The following NEK11 variants were observed in gnomAD, a reference collection of about 807,000 sequenced individuals.
NEK11 encodes the protein serine/threonine-protein kinase Nek11.
In NEK11, 72 loss-of-function variants were observed where a neutral mutation model predicts 80.7. The observed-to-expected ratio is 0.89, with a 90% CI of 0.74 to 1.08. NEK11 has a LOEUF of 1.08. Ranked by LOEUF, NEK11 falls within the 50% of genes least tolerant of loss-of-function variation. NEK11 has a pLI of 0.00. For synonymous variants in NEK11, 251 were observed against 260.7 expected (o/e 0.96, Z 0.36); for missense variants, 764 against 763.6 (o/e 1.00, Z -0.01).
intron 13 of NEK11, among the ~76,000 whole-genome samples, chr3:131,169,368 C>T (rs1038699304): frequency 1.3e-5 from 2 of 152,074 alleles, no homozygotes; most frequent in African/African-American, 2.4e-5. Context: ...GGCTCTATGT[C>T]GCCTCTCAAA....
intron 11 of NEK11, among the ~76,000 whole-genome samples, chr3:131,163,498 C>T (rs1041893866): frequency 1.3e-5 from 2 of 151,598 alleles, no homozygotes; most frequent in Non-Finnish European, 2.9e-5. Flanking sequence ...CATAGAAAGA[C>T]AAATACTGCA....
intron 7 of NEK11, among the ~76,000 whole-genome samples, chr3:131,140,971 A>C (rs2086763790): frequency 6.6e-6 from 1 of 152,178 alleles, no homozygotes; most frequent in South Asian, 2.1e-4. Context: ...ATACCAGCTC[A>C]TAAGACCCAA....
chr3:131,188,122 T>C (rs963086423), intron 14 of NEK11, among the ~76,000 whole-genome samples: 1 of 152,098 alleles, frequency 6.6e-6, no homozygotes. Flanking sequence ...GTCTCTTGTG[T>C]GTAGTTGTGT....
chr3:131,108,566 A>G (rs1420134869), intron 4 of NEK11, among the ~76,000 whole-genome samples: 1 of 152,134 alleles, frequency 6.6e-6, no homozygotes, highest in African/African-American at 2.4e-5. Flanking sequence ...AGCATTTGAC[A>G]TTTTTATTTT....
At chr3:131,123,236 G>A (rs904258101) in intron 5 of NEK11, among the ~76,000 whole-genome samples, 1 of 151,898 alleles carries the variant, frequency 6.6e-6, no homozygotes, top group Non-Finnish European at 1.5e-5. Flanking sequence ...GCATGATCTC[G>A]GCTCACTGTA....
At chr3:131,182,884 T>C (rs1304115750) in intron 14 of NEK11, among the ~76,000 whole-genome samples, 1 of 152,228 alleles carries the variant, frequency 6.6e-6, no homozygotes, top group African/African-American at 2.4e-5. Flanking sequence ...TGACCTGTTT[T>C]CTTGGCTTCA....
intron 17 of NEK11, among the ~76,000 whole-genome samples, chr3:131,315,993 A>G (rs1233999744): frequency 1.3e-5 from 2 of 152,130 alleles, no homozygotes; most frequent in Admixed American, 1.3e-4. Context: ...TATCAGTACA[A>G]AGGCATAAAT....
At position 131,277,671 on chromosome 3, in the gene NEK11, C is replaced by T. The variant is rs918857161; in HGVS notation, c.1718+4097C>T. ...GGGGCTTTGTAAGTATTAATATATG[C>T]GATGTCAGGCATAGAGTAGACCCTA... On this transcript the variant is annotated intron_variant, in intron 17 of 17. Coordinates refer to ENST00000383366, the MANE Select transcript of NEK11 (RefSeq NM_024800.5). Among the ~76,000 whole-genome samples, 3 of 152,278 alleles carry T rather than the reference C, an allele frequency of 2.0e-5. 1 individual carries two copies. The highest frequency in any genetic ancestry group is 4.1e-4 in the South Asian group (2 of 4,826).
chr3:131,038,642 A>C (rs774175507), intron 3 of NEK11, among the ~76,000 whole-genome samples: 1 of 152,352 alleles, frequency 6.6e-6, no homozygotes, highest in African/African-American at 2.4e-5. Context: ...ACAGTTAGGA[A>C]GAAGGCAACA....
intron 14 of NEK11, among the ~76,000 whole-genome samples, chr3:131,208,876 G>T (rs1443164244): frequency 6.6e-6 from 1 of 152,156 alleles, no homozygotes; most frequent in Non-Finnish European, 1.5e-5. Flanking sequence ...TGAGACGATG[G>T]GGTTTTCTAA....
intron 16 of NEK11, among the ~76,000 whole-genome samples, chr3:131,245,655 CT>C (rs2095589738): frequency 6.6e-6 from 1 of 151,622 alleles, no homozygotes; most frequent in South Asian, 2.1e-4. Flanking sequence ...TGTAAGATAC[CT>C]TCTTGTGGTT....
chr3:131,275,771 A>C (rs1225423328), intron 17 of NEK11, among the ~76,000 whole-genome samples: 1 of 152,242 alleles, frequency 6.6e-6, no homozygotes, highest in African/African-American at 2.4e-5. Context: ...ACTGTGATAT[A>C]CTGCATGCTC....
intron 3 of NEK11, among the ~76,000 whole-genome samples, chr3:131,079,941 CAGAA>C (rs1560297784): frequency 6.6e-6 from 1 of 151,724 alleles, no homozygotes; most frequent in Non-Finnish European, 1.5e-5. Flanking sequence ...AAGAGAGACA[CAGAA>C]AGAGGCAGAG....
chr3:131,242,581 C>A (rs1443421871), intron 15 of NEK11, among the ~76,000 whole-genome samples: 1 of 152,108 alleles, frequency 6.6e-6, no homozygotes, highest in Non-Finnish European at 1.5e-5. Flanking sequence ...CTACGCCCGG[C>A]TGATTTTTGT....
At chr3:131,103,010 T>C (rs1415332040) in intron 4 of NEK11, among the ~76,000 whole-genome samples, 1 of 152,224 alleles carries the variant, frequency 6.6e-6, no homozygotes, top group Non-Finnish European at 1.5e-5. Flanking sequence ...TTTTCAGCTC[T>C]AGAAGCTCAA....
chr3:131,270,726 GGCTTAGCA>G (rs2096166932), intron 16 of NEK11, among the ~76,000 whole-genome samples: 1 of 152,134 alleles, frequency 6.6e-6, no homozygotes, highest in African/African-American at 2.4e-5. Flanking sequence ...TTGGGCTTAA[GGCTTAGCA>G]TCTTTCCTAG....
intron 17 of NEK11, among the ~76,000 whole-genome samples, chr3:131,335,248 G>A (rs1231969087): frequency 6.6e-6 from 1 of 152,184 alleles, no homozygotes; most frequent in African/African-American, 2.4e-5. Context: ...AAATCCAGCA[G>A]CACATCAAAA....
At chr3:131,169,676 C>T (rs2092544299) in intron 13 of NEK11, among the ~76,000 whole-genome samples, 1 of 152,094 alleles carries the variant, frequency 6.6e-6, no homozygotes, top group African/African-American at 2.4e-5. Flanking sequence ...CATAGCAGAT[C>T]AGGTCTCCAT....
intron 10 of NEK11, among the ~76,000 whole-genome samples, chr3:131,160,494 T>A (rs1210159714): frequency 6.6e-6 from 1 of 152,166 alleles, no homozygotes; most frequent in Non-Finnish European, 1.5e-5. Context: ...ACACAGACTC[T>A]AAGTGACACT....
Sources: allele counts gnomAD v4.1 joint callset (sites outside exome capture counted in the v4.1 genomes callset), GRCh38; gene constraint gnomAD v4.1.1; transcripts MANE v1.5; gene names NCBI Gene and HGNC (gene_info 2026-07-23, HGNC 2026-07-21).